The following IL1RAPL2 variants were observed in gnomAD, a reference collection of about 807,000 sequenced individuals.
IL1RAPL2 encodes interleukin 1 receptor accessory protein like 2.
IL1RAPL2 carries 3 observed loss-of-function variants against 44.1 expected under a neutral mutation model. The observed-to-expected ratio is 0.07, with a 90% CI of 0.03 to 0.18. The LOEUF is 0.18. Among genes scored for constraint, IL1RAPL2 ranks in the 10% least tolerant of loss-of-function variants. The pLI is 1.00. For synonymous variants in IL1RAPL2, 181 were observed against 178.8 expected (o/e 1.01, Z -0.10); for missense variants, 391 against 496.4 (o/e 0.79, Z 2.02).
chrX:104,572,774 A>AT (rs780816023), intron 1 of IL1RAPL2, among the ~76,000 whole-genome samples: 29 of 108,207 alleles, frequency 2.7e-4, no homozygotes, highest in African/African-American at 6.7e-4. Flanking sequence ...TAATTTTTGT[A>AT]TTTTTTTTTG....
At chrX:105,372,244 T>G (rs998730116) in intron 5 of IL1RAPL2, among the ~76,000 whole-genome samples, 1 of 110,039 alleles carries the variant, frequency 9.1e-6, no homozygotes, top group Non-Finnish European at 1.9e-5. Context: ...GGGACCAGCC[T>G]GGCCAACGTG....
chrX:104,647,531 C>T (rs1476142309), intron 1 of IL1RAPL2: 5 of 521,921 alleles, frequency 9.6e-6, no homozygotes, highest in Non-Finnish European at 1.4e-5. Flanking sequence ...GGTGGCTGCT[C>T]ACTCCGTAAG....
intron 6 of IL1RAPL2, among the ~76,000 whole-genome samples, chrX:105,489,823 T>TC (rs1362672136): frequency 1.1e-4 from 6 of 54,344 alleles, no homozygotes; most frequent in East Asian, 5.7e-4. Flanking sequence ...CTCTCTCTCT[T>TC]TCTTTTTCTT....
At position 105,271,429 on chromosome X, in the gene IL1RAPL2, T is replaced by C. The variant is rs575436812; in HGVS notation, c.697+3888T>C. Reference sequence around the variant, plus strand: ...GGTGACTATATGCTATTTTAAAGTTTTTTTCTTTATTCTCATGTTGAATTT... The same window carrying C: ...GGTGACTATATGCTATTTTAAAGTTCTTTTCTTTATTCTCATGTTGAATTT... On this transcript the variant is annotated intron_variant, in intron 5 of 10. Transcript: ENST00000372582. Among the ~76,000 whole-genome samples, 17 of 111,834 alleles carry C rather than the reference T, an allele frequency of 1.5e-4. No homozygotes were observed. The South Asian group carries it at 6.1e-3, about 40-fold the overall frequency.
intron 5 of IL1RAPL2, among the ~76,000 whole-genome samples, chrX:105,419,681 A>G (rs1183576785): frequency 1.8e-5 from 2 of 112,189 alleles, no homozygotes; most frequent in African/African-American, 6.5e-5. Flanking sequence ...TGTACCAACA[A>G]TTATATATAT....
intron 1 of IL1RAPL2, among the ~76,000 whole-genome samples, chrX:104,572,442 T>G (rs1928165617): frequency 8.9e-6 from 1 of 112,216 alleles, no homozygotes; most frequent in Admixed American, 9.5e-5. Context: ...GTGCCCTTGC[T>G]TATGCCATTC....
At chrX:105,349,783 G>C (rs1160633490) in intron 5 of IL1RAPL2, among the ~76,000 whole-genome samples, 1 of 111,333 alleles carries the variant, frequency 9.0e-6, no homozygotes, top group Non-Finnish European at 1.9e-5. Flanking sequence ...CATTTGATTG[G>C]TCTCTTCAGC....
At chrX:105,540,792 A>C (rs1376074632) in intron 6 of IL1RAPL2, among the ~76,000 whole-genome samples, 1 of 38,148 alleles carries the variant, frequency 2.6e-5, no homozygotes, top group African/African-American at 1.0e-4. Flanking sequence ...TATATATAAT[A>C]TAAATATATT....
chrX:104,920,792 T>TA (rs1279918062), intron 2 of IL1RAPL2, among the ~76,000 whole-genome samples: 3 of 109,713 alleles, frequency 2.7e-5, no homozygotes, highest in African/African-American at 1.0e-4. Context: ...TTAAAAACAC[T>TA]AAAAAAGGAG....
intron 5 of IL1RAPL2, among the ~76,000 whole-genome samples, chrX:105,477,492 A>G (rs1326944962): frequency 8.9e-6 from 1 of 111,807 alleles, no homozygotes; most frequent in Admixed American, 9.5e-5. Context: ...CCAAAGAATA[A>G]TAGCTCTTAT....
At chrX:104,925,217 C>CAA (rs372080675) in intron 2 of IL1RAPL2, among the ~76,000 whole-genome samples, 2 of 66,121 alleles carry the variant, frequency 3.0e-5, no homozygotes, top group East Asian at 4.8e-4. Context: ...TGTCTCCCAC[C>CAA]AAAAAAAAAA....
Position 105,628,942 on chromosome X carries a change from CA to C in IL1RAPL2, c.773-88411del, listed in dbSNP as rs34686044. On this transcript the variant is annotated intron_variant, in intron 6 of 10. Coordinates refer to ENST00000372582, the MANE Select transcript of IL1RAPL2 (RefSeq NM_017416.2). ...TGGGCAACAGAATGAGACTTCATCT[CA>C]AAAAAAAAAAAAAGTTGAGCAGGGG... Among the ~76,000 whole-genome samples, 264 of 92,802 alleles carry C rather than the reference CA, an allele frequency of 2.8e-3. 3 individuals are homozygous for C. The highest frequency in any genetic ancestry group is 7.4e-3 in the African/African-American group (185 of 25,115). The allele number at this position is 92,802 out of a possible 115,157, so 80.6% of individuals were successfully genotyped here.
At chrX:105,258,722 A>G (rs1395321494) in intron 4 of IL1RAPL2, among the ~76,000 whole-genome samples, 3 of 112,103 alleles carry the variant, frequency 2.7e-5, no homozygotes, top group East Asian at 5.6e-4. Flanking sequence ...TTATTCTGCT[A>G]TTAATACTTG....
chrX:104,975,707 G>C (rs1362925980), intron 2 of IL1RAPL2, among the ~76,000 whole-genome samples: 2 of 112,408 alleles, frequency 1.8e-5, no homozygotes, highest in African/African-American at 6.5e-5. Flanking sequence ...TCCTGCAATA[G>C]ATGTAGGTTT....
intron 1 of IL1RAPL2, among the ~76,000 whole-genome samples, chrX:104,585,769 G>A (rs944242780): frequency 2.7e-5 from 3 of 110,009 alleles, no homozygotes; most frequent in Non-Finnish European, 5.7e-5. Flanking sequence ...CAAAGGACAC[G>A]ATTTCATTCT....
intron 6 of IL1RAPL2, among the ~76,000 whole-genome samples, chrX:105,504,539 ATTCT>A (rs893951919): frequency 1.8e-5 from 2 of 111,618 alleles, no homozygotes; most frequent in Non-Finnish European, 3.8e-5. Context: ...AATGAATAAA[ATTCT>A]TTCATTATAA....
intron 2 of IL1RAPL2, among the ~76,000 whole-genome samples, chrX:105,051,563 C>T (rs1052194794): frequency 1.2e-4 from 13 of 112,658 alleles, no homozygotes; most frequent in African/African-American, 3.2e-4. Context: ...GCCGTAGCCC[C>T]GCCCAGGAGG....
At chrX:104,749,479 G>T (rs756839149) in intron 2 of IL1RAPL2, among the ~76,000 whole-genome samples, 26 of 111,601 alleles carry the variant, frequency 2.3e-4, no homozygotes, top group African/African-American at 7.8e-4. Flanking sequence ...TTTCAAAATT[G>T]CATGTCAGAT....
intron 6 of IL1RAPL2, among the ~76,000 whole-genome samples, chrX:105,703,011 C>T (rs1315373746): frequency 9.0e-6 from 1 of 111,555 alleles, no homozygotes; most frequent in Non-Finnish European, 1.9e-5. Flanking sequence ...AAATAGAAAG[C>T]ACTTCAATCA....
Sources: gnomAD v4.1 joint callset for allele counts (sites outside exome capture counted in the v4.1 genomes callset) on GRCh38, gnomAD v4.1.1 for gene constraint, MANE v1.5 for transcripts, NCBI Gene and HGNC (gene_info 2026-07-23, HGNC 2026-07-21) for gene names.